FBXO11: variants seen among roughly 807,000 people sequenced by gnomAD.
FBXO11 encodes the protein F-box protein 11, also known as F-box only protein 11.
In FBXO11, 13 loss-of-function variants were observed where a neutral mutation model predicts 117.0. The ratio of observed to expected loss-of-function variants is 0.11; its 90% CI spans 0.07 to 0.18. The LOEUF (loss-of-function observed/expected upper bound fraction) is 0.18. Among genes scored for constraint, FBXO11 ranks in the 10% least tolerant of loss-of-function variants. The probability of loss-of-function intolerance (pLI) is 1.00; values close to 1 mark genes in which losing one functional copy is unlikely to be tolerated. For missense variants in FBXO11, 767 were observed against 1,164.4 expected (o/e 0.66, Z 4.97); for synonymous variants, 490 against 380.5 (o/e 1.29, Z -3.35).
At chr2:47,857,249 A>G (rs1558447244) in intron 1 of FBXO11, among the ~76,000 whole-genome samples, 1 of 152,200 alleles carries the variant, frequency 6.6e-6, no homozygotes. Flanking sequence ...GTTTGGAGAG[A>G]AAAGATATAC....
chr2:47,898,054 C>G (rs1677811688), intron 1 of FBXO11, among the ~76,000 whole-genome samples: 1 of 152,130 alleles, frequency 6.6e-6, no homozygotes, highest in Non-Finnish European at 1.5e-5. Context: ...GCCCCATGAT[C>G]TTCATTTGTT....
intron 21 of FBXO11, 173 bp from the exon 22 acceptor site, chr2:47,808,600 C>G (rs749315823): frequency 2.1e-5 from 11 of 521,048 alleles, no homozygotes; most frequent in African/African-American, 3.9e-5. Flanking sequence ...AGTGATTTTC[C>G]TGTCATCTGT....
Position 47,823,337 on chromosome 2 carries a change from T to C in FBXO11, c.1422A>G (p.Ile474Met). ...CAAAGCCTGCTATCCTATTTCTGTG[T>C]ATATTGCAACTTTCAAAGTAACCCT... is the stretch of plus-strand genomic sequence containing the variant. Reference protein sequence around the residue: ...HGMGYFESCNIHRNRIAGFEV... With the variant: ...HGMGYFESCNMHRNRIAGFEV... The change falls in exon 12 of 23, where the codon ATA becomes ATG. Residue 474 changes from isoleucine (I) to methionine (M), a missense_variant. Ile to Met is a conservative substitution (Grantham distance 10). This residue lies in a region of FBXO11 where 67 missense variants were observed against 148.8 expected (regional missense o/e 0.45). Transcript: ENST00000403359. 2 of 1,608,324 alleles carry C rather than the reference T, an allele frequency of 1.2e-6. No homozygotes were observed. The highest frequency in any genetic ancestry group is 1.7e-6 in the Non-Finnish European group (2 of 1,177,196).
rs749567368 is a variant in FBXO11, at chr2:47,807,142, T to C, written c.*976A>G. The C allele has an allele frequency of 2.5e-5, 10 of 406,584 alleles. 1 individual carries two copies. Among genetic ancestry groups the C allele is most frequent in the South Asian group, 1.0e-4 (3 of 29,868 alleles). 25.2% of individuals were successfully genotyped at this position (406,584 alleles called of 1,614,324 possible). A position where few individuals can be genotyped will look rare whatever the true frequency, so the allele number is the denominator to read the frequency against. On this transcript the variant is annotated 3_prime_UTR_variant, in exon 23 of 23. Coordinates refer to ENST00000403359, the MANE Select transcript of FBXO11 (RefSeq NM_001190274.2). ...GGGGAGGAAAAGCTATGAAACTGTA[T>C]AGGGCTGTATATATACTTGTCTCAG...
At chr2:47,890,795 C>A (rs184696083) in intron 1 of FBXO11, among the ~76,000 whole-genome samples, 1 of 149,886 alleles carries the variant, frequency 6.7e-6, no homozygotes, top group African/African-American at 2.4e-5. Flanking sequence ...CAGAGCGAGA[C>A]CCTGTCTAAA....
chr2:47,859,242 C>G (rs1483099367), intron 1 of FBXO11, among the ~76,000 whole-genome samples: 1 of 151,804 alleles, frequency 6.6e-6, no homozygotes, highest in South Asian at 2.1e-4. Flanking sequence ...AGAAACACTA[C>G]AATAAAATGT....
At position 47,892,763 on chromosome 2, in the gene FBXO11, G is replaced by T. The variant is rs185564855; in HGVS notation, c.232+12726C>A. On this transcript the variant is annotated intron_variant, in intron 1 of 22. Coordinates refer to ENST00000403359, the MANE Select transcript of FBXO11 (RefSeq NM_001190274.2). ...TAGATACATGGCCAAAACAATGAAT[G>T]TAACAGCCAAAACAATGAATATAAT... Among the ~76,000 whole-genome samples the T allele has an allele frequency of 4.2e-4, 64 of 152,206 alleles. 1 individual carries two copies. The highest frequency in any genetic ancestry group is 1.5e-3 in the African/African-American group (62 of 41,524).
chr2:47,808,535 A>G (rs1363286820), intron 21 of FBXO11, 108 bp from the exon 22 acceptor site: 1 of 863,176 alleles, frequency 1.2e-6, no homozygotes, highest in South Asian at 2.1e-5. Flanking sequence ...GACCAAAACA[A>G]AATTCTTTGT....
chr2:47,896,646 C>T (rs1036204213), intron 1 of FBXO11, among the ~76,000 whole-genome samples: 2 of 152,072 alleles, frequency 1.3e-5, no homozygotes, highest in Admixed American at 6.6e-5. Flanking sequence ...TGTTTAATTT[C>T]GCTTCCCTCT....
At chr2:47,826,104 G>A (rs1671736485) in intron 11 of FBXO11, among the ~76,000 whole-genome samples, 1 of 152,040 alleles carries the variant, frequency 6.6e-6, no homozygotes, top group Admixed American at 6.6e-5. Flanking sequence ...TGTCACCCAG[G>A]CTTGAGTGCA....
intron 11 of FBXO11, among the ~76,000 whole-genome samples, chr2:47,831,753 A>C (rs897144505): frequency 7.2e-5 from 11 of 152,216 alleles, no homozygotes; most frequent in African/African-American, 1.9e-4. Flanking sequence ...GTAAAACTAT[A>C]AGGTAATACT....
intron 21 of FBXO11, 70 bp downstream of exon 21, chr2:47,809,088 C>G (rs1670434665): frequency 2.1e-6 from 2 of 950,876 alleles, no homozygotes; most frequent in Non-Finnish European, 3.2e-6. Flanking sequence ...GCCAAAAATG[C>G]TAGGCATTGC....
chr2:47,860,087 C>A (rs904565784), intron 1 of FBXO11, among the ~76,000 whole-genome samples: 2 of 152,136 alleles, frequency 1.3e-5, no homozygotes, highest in Non-Finnish European at 2.9e-5. Flanking sequence ...AGTAAACGGG[C>A]ACTAAATGAG....
intron 1 of FBXO11, among the ~76,000 whole-genome samples, chr2:47,885,833 TCTCA>T (rs1169269131): frequency 2.0e-5 from 3 of 152,196 alleles, no homozygotes; most frequent in African/African-American, 7.2e-5. Flanking sequence ...GCCCATTCTC[TCTCA>T]CTAAGAATAT....
chr2:47,885,765 C>A (rs1203429820), intron 1 of FBXO11, among the ~76,000 whole-genome samples: 1 of 152,120 alleles, frequency 6.6e-6, no homozygotes, highest in African/African-American at 2.4e-5. Context: ...AACCAAGAGA[C>A]GAAAGGAGTA....
intron 1 of FBXO11, among the ~76,000 whole-genome samples, chr2:47,903,206 T>C (rs1338455429): frequency 1.3e-5 from 2 of 152,212 alleles, no homozygotes; most frequent in African/African-American, 4.8e-5. Context: ...ATTATTTTAG[T>C]TAACGAATTC....
Position 47,846,818 on chromosome 2 carries a change from C to T in FBXO11, c.233-7049G>A, listed in dbSNP as rs979778647. Among the ~76,000 whole-genome samples the T allele has an allele frequency of 3.3e-5, 5 of 151,976 alleles. No homozygotes were observed. The East Asian group carries it at 5.8e-4, about 18-fold the overall frequency. On this transcript the variant is annotated intron_variant, in intron 1 of 22. Transcript: ENST00000403359. ...TCATACTAAATCTTTGAAAATAGTA[C>T]GTATGTGTAACACAGCATGCCTCTA...
chr2:47,835,843 A>C, intron 5 of FBXO11, 29 bp downstream of exon 5: 13 of 1,535,160 alleles, frequency 8.5e-6, no homozygotes, highest in South Asian at 1.2e-5. Context: ...GTATAATATA[A>C]ACCAATATAT....
chr2:47,861,072 A>C (rs1674735455), intron 1 of FBXO11, among the ~76,000 whole-genome samples: 1 of 150,994 alleles, frequency 6.6e-6, no homozygotes, highest in South Asian at 2.1e-4. Flanking sequence ...CTGGTTTCGA[A>C]CTCCCAACCT....
Sources: gnomAD v4.1 joint callset for allele counts (sites outside exome capture counted in the v4.1 genomes callset) on GRCh38, gnomAD v4.1.1 for gene constraint, gnomAD v4.1.1 regional missense constraint, MANE v1.5 for transcripts, NCBI Gene and HGNC (gene_info 2026-07-23, HGNC 2026-07-21) for gene names.